The following MARF1 variants were observed in gnomAD, a reference collection of about 807,000 sequenced individuals.
MARF1 encodes the protein meiosis regulator and mRNA stability factor 1.
Under a neutral mutation model 168.2 loss-of-function variants are expected in MARF1, and 24 were observed. The observed-to-expected ratio is 0.14, with a 90% CI of 0.10 to 0.20. MARF1 has a LOEUF of 0.20. Ranked by LOEUF, MARF1 falls within the 10% of genes least tolerant of loss-of-function variation. The pLI, the probability that MARF1 is intolerant of heterozygous loss-of-function variation, is 1.00. For missense variants in MARF1, 1,744 were observed against 2,143.6 expected (o/e 0.81, Z 3.68); for synonymous variants, 868 against 822.4 (o/e 1.06, Z -0.95).
chr16:15,621,031 C>T (rs552592712), intron 12 of MARF1, among the ~76,000 whole-genome samples: 1 of 151,816 alleles, frequency 6.6e-6, no homozygotes, highest in South Asian at 2.1e-4. Context: ...GGTTTTTTTT[C>T]CCCTGCTTCT....
intron 25 of MARF1, 56 bp downstream of exon 25, chr16:15,600,372 A>C (rs1037930247): frequency 1.8e-5 from 29 of 1,609,246 alleles, no homozygotes; most frequent in Admixed American, 1.7e-5. Context: ...CCCGACCCCA[A>C]AGCCGTTTCT....
At chr16:15,605,226 C>G (rs1261887135) in intron 21 of MARF1, among the ~76,000 whole-genome samples, 1 of 152,184 alleles carries the variant, frequency 6.6e-6, no homozygotes, top group Non-Finnish European at 1.5e-5. Flanking sequence ...AACCAATGCT[C>G]ATCCTGACAG....
intron 15 of MARF1, 108 bp from the exon 16 acceptor site, chr16:15,616,113 G>T: frequency 1.1e-6 from 1 of 896,108 alleles, no homozygotes; most frequent in Non-Finnish European, 1.5e-6. Context: ...TTAATCATTT[G>T]TCTGAATGCC....
intron 7 of MARF1, 132 bp from the exon 8 acceptor site, chr16:15,625,932 G>C (rs956698515): frequency 1.5e-6 from 1 of 673,140 alleles, no homozygotes; most frequent in Admixed American, 2.8e-5. Flanking sequence ...ATTTAGATGG[G>C]AGAGGGTAAA....
At chr16:15,600,756 C>G in intron 23 of MARF1, 55 bp from the exon 24 acceptor site, 1 of 1,585,236 alleles carries the variant, frequency 6.3e-7, no homozygotes, top group Non-Finnish European at 8.7e-7. Context: ...GACAGAAGCC[C>G]TAACATTCAG....
intron 11 of MARF1, among the ~76,000 whole-genome samples, chr16:15,622,390 CTTT>C (rs995577394): frequency 6.9e-5 from 10 of 145,086 alleles, no homozygotes; most frequent in African/African-American, 2.3e-4. Context: ...ATCAAATTGC[CTTT>C]TTTTTTTTTT....
chr16:15,625,406 G>C lies in MARF1; in HGVS notation c.1919C>G (p.Ser640Cys). 1 of 1,607,544 alleles carries C rather than the reference G, an allele frequency of 6.2e-7. No homozygotes were observed. The highest frequency in any genetic ancestry group is 2.2e-5 in the East Asian group (1 of 44,824). Residue 640 changes from serine to cysteine, a missense_variant, in exon 8 of 27, where the codon TCT becomes TGT. This residue lies in a region of MARF1 where 270 missense variants were observed against 260.6 expected (regional missense o/e 1.04). Coordinates refer to ENST00000396368, the MANE Select transcript of MARF1 (RefSeq NM_014647.4). ...TTTAACATTTGTATTTTTTGTAGCA[G>C]ATCCAGAATTTGCCTGTGACCCTTT... ...PGKGSQANSG[S>C]ATKNTNVKSL...
chr16:15,617,519 T>C lies in MARF1; in HGVS notation c.2737A>G (p.Asn913Asp). The change falls in exon 14 of 27, where the codon AAT (asparagine) becomes GAT (aspartate). Residue 913 changes from asparagine (N) to aspartate (D), a missense_variant. By Grantham distance (23) the Asn-to-Asp change is conservative (BLOSUM62 1). Transcript: ENST00000396368. The stretch of plus-strand genomic sequence containing the variant: ...GTTAATTTATATAGATCTGACACAT[T>C]CAACTTGTGTCCAAACCTAAAAGCA... ...IYEKKFGHKL[N>D]VSDLYKLTDT... 6.2e-7 allele frequency: 1 copy of C among 1,610,048 alleles called. No homozygotes were observed. The highest frequency in any genetic ancestry group is 8.5e-7 in the Non-Finnish European group (1 of 1,177,704).
Position 15,625,816 on chromosome 16 carries a change from G to A in MARF1, c.1525-16C>T. The A allele has an allele frequency of 6.3e-7, 1 of 1,598,448 alleles. No homozygotes were observed. The highest frequency in any genetic ancestry group is 8.6e-7 in the Non-Finnish European group (1 of 1,169,200). On this transcript the variant is annotated splice_polypyrimidine_tract_variant and intron_variant, in intron 7 of 26. Transcript: ENST00000396368. Reference sequence around the variant, plus strand: ...TGTGGCACTGCTAATACAGAGGAAAGAAGTGTTACGTCAGGTTAATTCAAG... The same window carrying A: ...TGTGGCACTGCTAATACAGAGGAAAAAAGTGTTACGTCAGGTTAATTCAAG...
intron 21 of MARF1, among the ~76,000 whole-genome samples, chr16:15,607,440 C>G (rs921648277): frequency 1.3e-5 from 2 of 151,936 alleles, no homozygotes; most frequent in Admixed American, 6.5e-5. Context: ...TCCCAGCTAC[C>G]CAGGAGGCTG....
intron 4 of MARF1, 94 bp downstream of exon 4, chr16:15,634,663 A>G (rs992863109): frequency 1.6e-6 from 2 of 1,239,512 alleles, no homozygotes; most frequent in Admixed American, 2.2e-5. Context: ...CTTTAGAACC[A>G]TAAGGAATCC....
Sources: gnomAD v4.1 joint callset for allele counts (sites outside exome capture counted in the v4.1 genomes callset) on GRCh38, gnomAD v4.1.1 for gene constraint, gnomAD v4.1.1 regional missense constraint, MANE v1.5 for transcripts, NCBI Gene and HGNC (gene_info 2026-07-23, HGNC 2026-07-21) for gene names.